The following ZNF385D variants were observed in gnomAD, a reference collection of about 807,000 sequenced individuals.
ZNF385D encodes zinc finger protein 385D.
A neutral mutation model predicts 35.8 loss-of-function variants in ZNF385D; 15 were observed. That is an observed-to-expected ratio of 0.42 (90% CI 0.28 to 0.64). ZNF385D has a LOEUF of 0.64. ZNF385D is among the 30% of genes least tolerant of loss of function. The pLI, the probability that ZNF385D is intolerant of heterozygous loss-of-function variation, is 0.23. For synonymous variants in ZNF385D, 212 were observed against 186.8 expected, an observed-to-expected ratio of 1.13 and a Z score of -1.10; for missense variants, 474 against 494.6, an observed-to-expected ratio of 0.96 and a Z score of 0.39.
chr3:21,994,447 A>T (rs571928752), intron 3 of ZNF385D, among the ~76,000 whole-genome samples: 5 of 152,218 alleles, frequency 3.3e-5, no homozygotes, highest in Admixed American at 6.5e-5. Context: ...TGTTTTCCTG[A>T]ATTATTTATG....
chr3:21,555,174 T>G (rs1282244472), intron 3 of ZNF385D, among the ~76,000 whole-genome samples: 1 of 152,114 alleles, frequency 6.6e-6, no homozygotes, highest in African/African-American at 2.4e-5. Flanking sequence ...TGAAAAGATG[T>G]GTGACTCTTT....
intron 3 of ZNF385D, among the ~76,000 whole-genome samples, chr3:21,962,056 G>A (rs1039416212): frequency 1.3e-5 from 2 of 152,054 alleles, no homozygotes; most frequent in South Asian, 2.1e-4. Flanking sequence ...GTAAAGCAAG[G>A]GTATTACCTG....
At chr3:21,846,277 G>T (rs1696002297) in intron 3 of ZNF385D, among the ~76,000 whole-genome samples, 1 of 151,958 alleles carries the variant, frequency 6.6e-6, no homozygotes, top group South Asian at 2.1e-4. Flanking sequence ...ATATACTATA[G>T]CTTTTCACAT....
chr3:21,848,939 A>G (rs7643753), intron 3 of ZNF385D, among the ~76,000 whole-genome samples: 5,847 of 152,210 alleles, frequency 0.038, 389 homozygotes, highest in African/African-American at 0.13. Flanking sequence ...CCATCATTCC[A>G]TAAACATGAA....
chr3:22,110,455 G>A (rs572066851), intron 3 of ZNF385D, among the ~76,000 whole-genome samples: 1 of 152,202 alleles, frequency 6.6e-6, no homozygotes, highest in African/African-American at 2.4e-5. Context: ...ATACTATGCA[G>A]CCATAAAAAA....
intron 3 of ZNF385D, among the ~76,000 whole-genome samples, chr3:22,035,888 G>A (rs1698283611): frequency 6.6e-6 from 1 of 151,768 alleles, no homozygotes; most frequent in African/African-American, 2.4e-5. Flanking sequence ...GTTTGCCAGT[G>A]GCTTGCTGAT....
chr3:21,889,463 G>A (rs1178235026), intron 3 of ZNF385D, among the ~76,000 whole-genome samples: 2 of 152,160 alleles, frequency 1.3e-5, no homozygotes, highest in Admixed American at 6.5e-5. Flanking sequence ...CAGTGGGGAG[G>A]GGTTCCAGGA....
intron 3 of ZNF385D, among the ~76,000 whole-genome samples, chr3:21,843,665 G>C (rs1182256188): frequency 6.6e-6 from 1 of 151,922 alleles, no homozygotes; most frequent in East Asian, 1.9e-4. Flanking sequence ...ATCAATAGCA[G>C]GCATGTATTA....
chr3:21,995,832 C>T (rs918246907), intron 3 of ZNF385D, among the ~76,000 whole-genome samples: 6 of 151,940 alleles, frequency 3.9e-5, no homozygotes, highest in Non-Finnish European at 5.9e-5. Context: ...GTGTCAGCAT[C>T]GCCAGGCAAG....
At chr3:22,141,131 TAA>T (rs769646948) in intron 3 of ZNF385D, among the ~76,000 whole-genome samples, 16 of 152,158 alleles carry the variant, frequency 1.1e-4, no homozygotes, top group Non-Finnish European at 2.1e-4. Flanking sequence ...CTTAAAAACA[TAA>T]GAGAGGTTTA....
At chr3:22,106,630 A>G (rs978884972) in intron 3 of ZNF385D, among the ~76,000 whole-genome samples, 1 of 152,094 alleles carries the variant, frequency 6.6e-6, no homozygotes, top group Non-Finnish European at 1.5e-5. Context: ...CAGCTCCAGA[A>G]AGCCAAGCCG....
intron 3 of ZNF385D, among the ~76,000 whole-genome samples, chr3:22,000,579 C>T (rs989766083): frequency 7.9e-5 from 12 of 151,602 alleles, no homozygotes; most frequent in Admixed American, 3.3e-4. Flanking sequence ...TATTCCTTTA[C>T]TTTCTTAATA....
chr3:21,449,159 G>T (rs947365953), intron 4 of ZNF385D, among the ~76,000 whole-genome samples: 1 of 151,126 alleles, frequency 6.6e-6, no homozygotes, highest in Non-Finnish European at 1.5e-5. Context: ...TATATTTTAC[G>T]GCAGAGTTAT....
chr3:21,885,935 G>A (rs965594096), intron 3 of ZNF385D, among the ~76,000 whole-genome samples: 2 of 151,980 alleles, frequency 1.3e-5, no homozygotes, highest in African/African-American at 4.8e-5. Flanking sequence ...TCAGTTAATT[G>A]GATAAGGTCC....
chr3:22,254,979 T>C (rs1024143564), intron 2 of ZNF385D, among the ~76,000 whole-genome samples: 1 of 151,838 alleles, frequency 6.6e-6, no homozygotes, highest in Non-Finnish European at 1.5e-5. Flanking sequence ...CCCAGGAGGA[T>C]GAAGCAGGAT....
At chr3:22,255,597 T>C (rs1700274568) in intron 2 of ZNF385D, among the ~76,000 whole-genome samples, 2 of 151,804 alleles carry the variant, frequency 1.3e-5, no homozygotes, top group African/African-American at 4.8e-5. Context: ...ACCAAAAGGG[T>C]GGCCTCTATT....
chr3:22,131,203 C>A lies in ZNF385D; in HGVS notation c.325+37614G>T, dbSNP rs1272672798. Among the ~76,000 whole-genome samples the A allele has an allele frequency of 2.0e-5, 3 of 152,230 alleles. No individual in the cohort carries two copies. The East Asian group carries it at 5.8e-4, about 29-fold the overall frequency. Reference sequence around the variant, plus strand: ...AGAAGTCAGGGTGGGCAATGAGGAACTAGCAAATAAGACAGAGACGATGTG... The same window carrying A: ...AGAAGTCAGGGTGGGCAATGAGGAAATAGCAAATAAGACAGAGACGATGTG... On this transcript the variant is annotated intron_variant, in intron 3 of 5. Coordinates refer to the ZNF385D transcript ENST00000494108.
intron 6 of ZNF385D, among the ~76,000 whole-genome samples, chr3:21,424,839 T>C (rs1700940740): frequency 6.6e-6 from 1 of 152,042 alleles, no homozygotes; most frequent in Admixed American, 6.6e-5. Context: ...GTCAAACCCT[T>C]AAATTCTAAA....
At chr3:21,793,392 A>G (rs2072009283) in intron 3 of ZNF385D, among the ~76,000 whole-genome samples, 1 of 152,250 alleles carries the variant, frequency 6.6e-6, no homozygotes, top group Admixed American at 6.5e-5. Flanking sequence ...CCCATTTTGC[A>G]GATAGAGGGA....
Sources: gnomAD v4.1 joint callset for allele counts (sites outside exome capture counted in the v4.1 genomes callset) on GRCh38, gnomAD v4.1.1 for gene constraint, MANE v1.5 for transcripts, NCBI Gene and HGNC (gene_info 2026-07-23, HGNC 2026-07-21) for gene names.